PDE4D: variants seen among roughly 807,000 people sequenced by gnomAD.
PDE4D encodes phosphodiesterase 4D, also known as 3',5'-cyclic-AMP phosphodiesterase 4D.
PDE4D carries 24 observed loss-of-function variants against 87.4 expected under a neutral mutation model. The ratio of observed to expected loss-of-function variants is 0.27; its 90% confidence interval spans 0.20 to 0.39. PDE4D has a LOEUF of 0.39. PDE4D is among the 10% of genes least tolerant of loss of function. PDE4D has a pLI of 1.00. For synonymous variants in PDE4D, 384 were observed against 383.2 expected (o/e 1.00, Z -0.02); for missense variants, 714 against 1,041.0 (o/e 0.69, Z 4.32).
intron 1 of PDE4D, among the ~76,000 whole-genome samples, chr5:59,809,714 T>C (rs2152677200): frequency 6.6e-6 from 1 of 152,318 alleles, no homozygotes; most frequent in Middle Eastern, 3.4e-3. Context: ...AATCTATTGA[T>C]GAAAACTGTA....
Position 60,076,304 on chromosome 5 carries a change from G to A in PDE4D, c.43-87587C>T, listed in dbSNP as rs541833789. Among the ~76,000 whole-genome samples the A allele has an allele frequency of 2.1e-3, 325 of 152,064 alleles. 2 individuals are homozygous for A. Among genetic ancestry groups the A allele is most frequent in the African/African-American group, 7.4e-3 (307 of 41,470 alleles). ...CTCCCGAGTAGCTGGGACTACAGGC[G>A]CCCACTGCCATGCCCGGCTAGTTTT... On this transcript the variant is annotated intron_variant, in intron 2 of 16. Coordinates refer to the PDE4D transcript ENST00000502484.
At chr5:59,098,617 T>C (rs943223320) in intron 5 of PDE4D, among the ~76,000 whole-genome samples, 2 of 144,314 alleles carry the variant, frequency 1.4e-5, no homozygotes, top group African/African-American at 5.1e-5. Context: ...AGTGGGAGAA[T>C]TGCTTGAGTG....
At chr5:59,026,995 G>A (rs1260070456) in intron 6 of PDE4D, among the ~76,000 whole-genome samples, 5 of 152,038 alleles carry the variant, frequency 3.3e-5, no homozygotes, top group South Asian at 2.1e-4. Context: ...TAGTTTTCAC[G>A]TAATTTCCTT....
At chr5:59,193,669 G>A in intron 2 of PDE4D, 133 bp from the exon 3 acceptor site, 1 of 1,467,180 alleles carries the variant, frequency 6.8e-7, no homozygotes, top group Non-Finnish European at 9.0e-7. Flanking sequence ...TTATACTTCA[G>A]CACATGTTCT....
intron 1 of PDE4D, chr5:59,587,015 G>T (rs1444656118): frequency 1.0e-6 from 1 of 985,170 alleles, no homozygotes; most frequent in Non-Finnish European, 1.2e-6. Flanking sequence ...TTTCAGAATT[G>T]CTGGTTCAAC....
chr5:59,768,549 C>T (rs1428734596), intron 1 of PDE4D: 2 of 1,591,756 alleles, frequency 1.3e-6, no homozygotes, highest in Non-Finnish European at 8.5e-7. Flanking sequence ...GAATCCAGGG[C>T]AACGTGGTTC....
chr5:59,261,922 G>A (rs1441267924), intron 1 of PDE4D, among the ~76,000 whole-genome samples: 1 of 151,798 alleles, frequency 6.6e-6, no homozygotes, highest in African/African-American at 2.4e-5. Flanking sequence ...CTAACCCAGG[G>A]AAAGTATTTT....
At chr5:58,993,331 C>A in intron 7 of PDE4D, 41 bp downstream of exon 7, 1 of 1,212,082 alleles carries the variant, frequency 8.3e-7, no homozygotes, top group East Asian at 2.5e-5. Flanking sequence ...AACAAGCAAA[C>A]AACTGAAGAA....
At chr5:59,789,042 T>A (rs1561664212) in intron 1 of PDE4D, among the ~76,000 whole-genome samples, 1 of 152,338 alleles carries the variant, frequency 6.6e-6, no homozygotes, top group East Asian at 1.9e-4. Flanking sequence ...CACTGTTACC[T>A]GAGCTTGGTT....
chr5:58,974,435 T>G lies in PDE4D; in HGVS notation c.*229A>C, dbSNP rs948478131. On this transcript the variant is annotated 3_prime_UTR_variant, in exon 15 of 15. Coordinates refer to ENST00000340635, the MANE Select transcript of PDE4D (RefSeq NM_001104631.2). ...TTGTCAGCTCTACCAAGCTGAAATC[T>G]TGTTAAAAACGCTGTTCGTGAAGAT... is the stretch of plus-strand genomic sequence containing the variant. The G allele has an allele frequency of 1.4e-5, 5 of 360,654 alleles. No individual in the cohort carries two copies. Among genetic ancestry groups the G allele is most frequent in the African/African-American group, 1.0e-4 (5 of 48,196 alleles). The allele number at this position is 360,654 out of a possible 1,614,324, so 22.3% of individuals were successfully genotyped here.
At chr5:59,779,298 T>G (rs1036064572) in intron 1 of PDE4D, among the ~76,000 whole-genome samples, 1 of 152,176 alleles carries the variant, frequency 6.6e-6, no homozygotes, top group African/African-American at 2.4e-5. Context: ...ACTCTAAAGT[T>G]TCTGTAGCCC....
intron 1 of PDE4D, among the ~76,000 whole-genome samples, chr5:59,736,040 TAAAG>T (rs977767914): frequency 1.4e-4 from 22 of 151,770 alleles, no homozygotes; most frequent in Middle Eastern, 3.4e-3. Context: ...TTGCTTAAAA[TAAAG>T]AGTCAAATTT....
At chr5:59,867,538 A>T (rs908624322) in intron 1 of PDE4D, among the ~76,000 whole-genome samples, 2 of 152,182 alleles carry the variant, frequency 1.3e-5, no homozygotes, top group Non-Finnish European at 2.9e-5. Context: ...AAATCCTTTT[A>T]AAAAATATGT....
At chr5:59,451,265 T>G (rs1469938844) in intron 1 of PDE4D, among the ~76,000 whole-genome samples, 1 of 152,250 alleles carries the variant, frequency 6.6e-6, no homozygotes, top group East Asian at 1.9e-4. Context: ...GTCTTTCATT[T>G]CAGCTTTGTC....
intron 1 of PDE4D, among the ~76,000 whole-genome samples, chr5:60,374,604 T>C (rs1761290144): frequency 6.6e-6 from 1 of 152,138 alleles, no homozygotes; most frequent in South Asian, 2.1e-4. Flanking sequence ...GTCATCTCAC[T>C]TATCCACAAC....
intron 1 of PDE4D, among the ~76,000 whole-genome samples, chr5:59,509,531 T>C (rs17740749): frequency 0.2 from 29,767 of 151,370 alleles, 3,496 homozygotes; most frequent in Non-Finnish European, 0.27. Flanking sequence ...TACAATGTAA[T>C]ACAAATATGA....
chr5:59,238,272 C>T (rs1000132570), intron 1 of PDE4D, among the ~76,000 whole-genome samples: 7 of 152,098 alleles, frequency 4.6e-5, no homozygotes, highest in African/African-American at 1.7e-4. Flanking sequence ...ATGGTTAGCA[C>T]AATAATGAGA....
At chr5:60,371,163 T>C (rs1164627055) in intron 1 of PDE4D, among the ~76,000 whole-genome samples, 1 of 152,220 alleles carries the variant, frequency 6.6e-6, no homozygotes, top group Non-Finnish European at 1.5e-5. Context: ...ATCTACTCTG[T>C]ATCCACCTTA....
chr5:60,113,335 G>C (rs943751451), intron 2 of PDE4D, among the ~76,000 whole-genome samples: 7 of 152,100 alleles, frequency 4.6e-5, no homozygotes, highest in African/African-American at 1.7e-4. Context: ...CAATATGCAA[G>C]ATTGAGAAGG....
Sources: gnomAD v4.1 joint callset for allele counts (sites outside exome capture counted in the v4.1 genomes callset) on GRCh38, gnomAD v4.1.1 for gene constraint, MANE v1.5 for transcripts, NCBI Gene and HGNC (gene_info 2026-07-23, HGNC 2026-07-21) for gene names.